DDI2: variants seen among roughly 807,000 people sequenced by gnomAD.
DDI2 encodes the protein protein DDI1 homolog 2.
In DDI2, 5 loss-of-function variants were observed where a neutral mutation model predicts 48.1. The observed-to-expected ratio is 0.10, with a 90% CI of 0.05 to 0.22. DDI2 has a LOEUF of 0.22. Ranked by LOEUF, DDI2 falls within the 10% of genes least tolerant of loss-of-function variation. DDI2 has a pLI of 1.00. For missense variants in DDI2, 285 were observed against 506.2 expected (o/e 0.56, Z 4.19); for synonymous variants, 205 against 183.6 (o/e 1.12, Z -0.94).
At chr1:15,643,943 C>G (rs1176871256) in intron 6 of DDI2, among the ~76,000 whole-genome samples, 1 of 152,060 alleles carries the variant, frequency 6.6e-6, no homozygotes, top group Non-Finnish European at 1.5e-5. Flanking sequence ...TTATACTTAC[C>G]TCCATATTTC....
At position 15,634,539 on chromosome 1, in the gene DDI2, C is replaced by CTTTT. The variant is rs370728497; in HGVS notation, c.632+982_632+985dup. On this transcript the variant is annotated intron_variant, in intron 4 of 9. Coordinates refer to ENST00000480945, the MANE Select transcript of DDI2 (RefSeq NM_032341.5). The stretch of plus-strand genomic sequence containing the variant: ...TTTTTAAACTTCTTATTCTTTTTAT[C>CTTTT]TTTTTTTTTTTGAGACAAGGTCTCA... Among the ~76,000 whole-genome samples the CTTTT allele has an allele frequency of 1.0e-4, 10 of 100,140 alleles. 1 individual carries two copies. The highest frequency in any genetic ancestry group is 2.3e-4 in the African/African-American group (5 of 22,180). 65.7% of individuals were successfully genotyped at this position (100,140 alleles called of 152,430 possible).
chr1:15,650,463 T>G (rs1359752645), intron 7 of DDI2, among the ~76,000 whole-genome samples: 7 of 152,098 alleles, frequency 4.6e-5, no homozygotes, highest in Admixed American at 4.6e-4. Flanking sequence ...CCAGTCAACC[T>G]GCCAGGTACA....
intron 9 of DDI2, among the ~76,000 whole-genome samples, chr1:15,658,764 A>AG (rs1255030312): frequency 3.3e-5 from 5 of 151,416 alleles, no homozygotes; most frequent in Non-Finnish European, 7.4e-5. Context: ...TAAAAAAAAA[A>AG]AAAAATTCTT....
chr1:15,636,214 A>G (rs1639924233), intron 4 of DDI2, among the ~76,000 whole-genome samples: 1 of 151,862 alleles, frequency 6.6e-6, no homozygotes, highest in Non-Finnish European at 1.5e-5. Context: ...TCATAGCCTC[A>G]ACTTCTTAGG....
At chr1:15,628,305 C>T (rs1351182243) in intron 2 of DDI2, among the ~76,000 whole-genome samples, 1 of 152,160 alleles carries the variant, frequency 6.6e-6, no homozygotes, top group Non-Finnish European at 1.5e-5. Context: ...TTCACTTCAC[C>T]ATTTCCTTGG....
rs1640474002 is a variant in DDI2, at chr1:15,667,593, ATC to A, written c.*7804_*7805del. 1 of 152,286 alleles carries A rather than the reference ATC, an allele frequency of 6.6e-6. No individual in the cohort carries two copies. Among genetic ancestry groups the A allele is most frequent in the Non-Finnish European group, 1.5e-5 (1 of 68,076 alleles). The allele number at this position is 152,286 out of a possible 1,614,324, so 9.4% of individuals were successfully genotyped here. On this transcript the variant is annotated 3_prime_UTR_variant, in exon 10 of 10. Transcript: ENST00000480945. Reference sequence around the variant, plus strand: ...ACGGGAATCTAGAGCAGAACATGTAATCAGCGATGGCTGGGATTGGTGGACAG... The same window carrying A: ...ACGGGAATCTAGAGCAGAACATGTAAAGCGATGGCTGGGATTGGTGGACAG...
intron 8 of DDI2, 85 bp downstream of exon 8, chr1:15,651,980 T>TCCA: frequency 7.2e-7 from 1 of 1,386,384 alleles, no homozygotes; most frequent in Non-Finnish European, 9.5e-7. Context: ...TAGGAACCTT[T>TCCA]CCAGTTTTTA....
At chr1:15,624,085 G>A in intron 1 of DDI2, among the ~76,000 whole-genome samples, 1 of 152,120 alleles carries the variant, frequency 6.6e-6, no homozygotes, top group East Asian at 1.9e-4. Context: ...CCGTTAAAAT[G>A]TGCCTCTGCT....
intron 8 of DDI2, 101 bp from the exon 9 acceptor site, chr1:15,656,516 C>T (rs902169744): frequency 6.2e-7 from 1 of 1,608,276 alleles, no homozygotes; most frequent in Non-Finnish European, 8.5e-7. Flanking sequence ...CTACCAGTTC[C>T]TGATTTTAAA....
At chr1:15,624,091 C>T (rs1639714958) in intron 1 of DDI2, among the ~76,000 whole-genome samples, 1 of 152,188 alleles carries the variant, frequency 6.6e-6, no homozygotes, top group Non-Finnish European at 1.5e-5. Context: ...AAATGTGCCT[C>T]TGCTCCCAGG....
At chr1:15,626,910 T>C in intron 2 of DDI2, 112 bp downstream of exon 2, 1 of 1,329,804 alleles carries the variant, frequency 7.5e-7, no homozygotes, top group Admixed American at 2.3e-5. Flanking sequence ...ATACAGATCC[T>C]GACTCTGCCT....
At chr1:15,635,968 G>A (rs1386025761) in intron 4 of DDI2, among the ~76,000 whole-genome samples, 1 of 152,204 alleles carries the variant, frequency 6.6e-6, no homozygotes, top group Non-Finnish European at 1.5e-5. Context: ...ATTACACAGG[G>A]TAGGTGAACA....
At chr1:15,640,258 GC>G (rs1389316174) in intron 5 of DDI2, among the ~76,000 whole-genome samples, 2 of 152,090 alleles carry the variant, frequency 1.3e-5, no homozygotes, top group Non-Finnish European at 2.9e-5. Context: ...CAAGCACCAT[GC>G]TAGGTGCTTA....
chr1:15,642,252 A>T (rs763352125), intron 5 of DDI2, among the ~76,000 whole-genome samples: 12 of 152,216 alleles, frequency 7.9e-5, no homozygotes, highest in Admixed American at 3.9e-4. Flanking sequence ...TACAGAAGCG[A>T]CTGTCTTCTA....
rs577283761 is a variant in DDI2 at position 15,645,763 on chromosome 1, G to A, written c.889+2113G>A. ...CAAGTGCCGATGGTGCCAGCTACTC[G>A]AGAGGCTAAGGCAGGAGGATTGCTT... On this transcript the variant is annotated intron_variant, in intron 6 of 9. Transcript: ENST00000480945. Among the ~76,000 whole-genome samples, 8 of 151,908 alleles carry A rather than the reference G, an allele frequency of 5.3e-5. No individual in the cohort carries two copies. In the South Asian group the frequency reaches 6.2e-4, roughly 12 times the overall value.
rs1640348668 is a variant in DDI2, at chr1:15,660,410, A to G, written c.*620A>G. The G allele has an allele frequency of 6.2e-7, 1 of 1,613,990 alleles. No homozygotes were observed. The highest frequency in any genetic ancestry group is 1.3e-5 in the African/African-American group (1 of 75,028). Reference sequence around the variant, plus strand: ...AATGAACAGTATGAGGTTGCACAACAAAAAGCTTCACATGACCAAGAATAT... The same window carrying G: ...AATGAACAGTATGAGGTTGCACAACGAAAAGCTTCACATGACCAAGAATAT... On this transcript the variant is annotated 3_prime_UTR_variant, in exon 10 of 10. Coordinates refer to ENST00000480945, the MANE Select transcript of DDI2 (RefSeq NM_032341.5).
chr1:15,631,058 TG>T (rs377337817), intron 3 of DDI2, among the ~76,000 whole-genome samples: 8 of 152,192 alleles, frequency 5.3e-5, no homozygotes, highest in African/African-American at 1.9e-4. Context: ...TTAGCCAGGA[TG>T]GTCTCGATCT....
At chr1:15,637,457 C>G (rs1487258961) in intron 4 of DDI2, among the ~76,000 whole-genome samples, 1 of 152,046 alleles carries the variant, frequency 6.6e-6, no homozygotes, top group Non-Finnish European at 1.5e-5. Context: ...AACCTCCGCC[C>G]CCCGGGTTCA....
intron 8 of DDI2, among the ~76,000 whole-genome samples, chr1:15,655,633 A>G (rs1027997374): frequency 1.3e-5 from 2 of 151,700 alleles, no homozygotes; most frequent in African/African-American, 4.8e-5. Context: ...GGCGCCTGTA[A>G]TCCCAGCTAC....
Sources: gnomAD v4.1 joint callset for allele counts (sites outside exome capture counted in the v4.1 genomes callset) on GRCh38, gnomAD v4.1.1 for gene constraint, MANE v1.5 for transcripts, NCBI Gene and HGNC (gene_info 2026-07-23, HGNC 2026-07-21) for gene names.